The following SORCS3 variants were observed in gnomAD, a reference collection of about 807,000 sequenced individuals.
SORCS3 encodes the protein VPS10 domain-containing receptor SorCS3.
In SORCS3, 57 loss-of-function variants were observed where a neutral mutation model predicts 146.3. The observed-to-expected ratio is 0.39, with a 90% CI of 0.31 to 0.49. SORCS3 has a LOEUF of 0.49. Among genes scored for constraint, SORCS3 ranks in the 20% least tolerant of loss-of-function variants. The pLI is 0.92. For synonymous variants in SORCS3, 653 were observed against 618.5 expected (o/e 1.06, Z -0.83); for missense variants, 1,341 against 1,575.5 (o/e 0.85, Z 2.52).
chr10:104,839,007 A>AT (rs1019037828), intron 1 of SORCS3, among the ~76,000 whole-genome samples: 1 of 152,094 alleles, frequency 6.6e-6, no homozygotes, highest in Non-Finnish European at 1.5e-5. Context: ...CTGGGGCTCC[A>AT]TTTTTTCATC....
intron 1 of SORCS3, among the ~76,000 whole-genome samples, chr10:104,708,394 G>A (rs957906919): frequency 7.2e-5 from 11 of 152,278 alleles, no homozygotes; most frequent in African/African-American, 2.4e-4. Context: ...ACCAGCCTTA[G>A]TCCTGGCCCT....
intron 4 of SORCS3, among the ~76,000 whole-genome samples, chr10:104,988,141 A>G (rs997756975): frequency 2.6e-5 from 4 of 152,174 alleles, no homozygotes; most frequent in African/African-American, 9.6e-5. Flanking sequence ...AACTTGTTCA[A>G]GGTCACACAG....
chr10:105,052,635 G>T (rs1252049792), intron 5 of SORCS3, among the ~76,000 whole-genome samples: 1 of 152,070 alleles, frequency 6.6e-6, no homozygotes, highest in East Asian at 1.9e-4. Flanking sequence ...TTCAGTACTT[G>T]CATGTTACAT....
chr10:104,677,556 C>T (rs1450884946), intron 1 of SORCS3, among the ~76,000 whole-genome samples: 1 of 152,150 alleles, frequency 6.6e-6, no homozygotes, highest in Non-Finnish European at 1.5e-5. Context: ...GAAAACGTTG[C>T]TGAAGAAGAG....
At chr10:104,932,990 A>C (rs1525396) in intron 3 of SORCS3, among the ~76,000 whole-genome samples, 74,791 of 152,056 alleles carry the variant, frequency 0.49, 22,130 homozygotes, top group African/African-American at 0.84. Flanking sequence ...GTTGGCCTCA[A>C]AAAGTGATAG....
chr10:104,781,025 T>C (rs2017368087), intron 1 of SORCS3, among the ~76,000 whole-genome samples: 1 of 152,218 alleles, frequency 6.6e-6, no homozygotes, highest in Non-Finnish European at 1.5e-5. Flanking sequence ...CTGGTGGTAA[T>C]AGATGGAAAG....
chr10:104,726,313 G>A (rs765173690), intron 1 of SORCS3, among the ~76,000 whole-genome samples: 10 of 152,252 alleles, frequency 6.6e-5, no homozygotes, highest in East Asian at 3.9e-4. Context: ...CTGAGTGTTC[G>A]TACTTGGCCT....
At chr10:105,049,027 T>C (rs1281673916) in intron 5 of SORCS3, among the ~76,000 whole-genome samples, 1 of 152,156 alleles carries the variant, frequency 6.6e-6, no homozygotes, top group Non-Finnish European at 1.5e-5. Context: ...GTAATGGTTT[T>C]ATTGACATTT....
chr10:105,136,312 A>C (rs1009267354), intron 7 of SORCS3, among the ~76,000 whole-genome samples: 1 of 152,148 alleles, frequency 6.6e-6, no homozygotes, highest in Non-Finnish European at 1.5e-5. Context: ...GAAAGGGAAA[A>C]AAGAGGGTTA....
Position 104,977,370 on chromosome 10 carries a change from C to T in SORCS3, c.831C>T (p.Ser277=), listed in dbSNP as rs1439305856. The change falls in exon 4 of 27, where the codon AGC becomes AGT. Residue 277 remains serine, a synonymous_variant. Transcript: ENST00000369701. ...MLLSDPEMES[S]ILISSDEGAT... ...TCAGTGATCCTGAGATGGAGAGCAGCATATTGATCAGCTCAGACGAAGGGG... is the reference window on the plus strand; with the variant it reads ...TCAGTGATCCTGAGATGGAGAGCAGTATATTGATCAGCTCAGACGAAGGGG... 2 of 1,613,448 alleles carry T rather than the reference C, an allele frequency of 1.2e-6. No homozygotes were observed. Among genetic ancestry groups the T allele is most frequent in the East Asian group, 2.2e-5 (1 of 44,820 alleles).
At chr10:105,191,671 T>A (rs1441361017) in intron 14 of SORCS3, among the ~76,000 whole-genome samples, 1 of 151,754 alleles carries the variant, frequency 6.6e-6, no homozygotes, top group African/African-American at 2.4e-5. Context: ...AGGTGGGGGG[T>A]GTTGATTTCG....
intron 2 of SORCS3, among the ~76,000 whole-genome samples, chr10:104,894,711 A>T (rs557132862): frequency 6.8e-4 from 103 of 152,284 alleles, no homozygotes; most frequent in Non-Finnish European, 1.3e-3. Flanking sequence ...AGTCATGATG[A>T]TTCGAATGTT....
At chr10:104,836,699 C>A (rs1258834304) in intron 1 of SORCS3, among the ~76,000 whole-genome samples, 1 of 152,138 alleles carries the variant, frequency 6.6e-6, no homozygotes, top group East Asian at 1.9e-4. Flanking sequence ...CTCCTTCTTG[C>A]ACCCTTCCCT....
At chr10:105,250,653 C>G (rs1389630138) in intron 22 of SORCS3, among the ~76,000 whole-genome samples, 1 of 152,142 alleles carries the variant, frequency 6.6e-6, no homozygotes, top group East Asian at 1.9e-4. Flanking sequence ...CTGCATTTTG[C>G]CCCTAGTCTG....
intron 2 of SORCS3, among the ~76,000 whole-genome samples, chr10:104,853,454 A>G (rs988287918): frequency 6.6e-6 from 1 of 152,272 alleles, no homozygotes; most frequent in Non-Finnish European, 1.5e-5. Flanking sequence ...GAATTGCCCA[A>G]CATTTGGAAG....
intron 1 of SORCS3, among the ~76,000 whole-genome samples, chr10:104,801,332 G>A (rs1248363038): frequency 6.6e-6 from 1 of 152,216 alleles, no homozygotes; most frequent in East Asian, 1.9e-4. Context: ...AGGGGAGTGG[G>A]CAGGCTCTGC....
intron 3 of SORCS3, among the ~76,000 whole-genome samples, chr10:104,952,053 G>A (rs554662471): frequency 5.3e-5 from 8 of 151,010 alleles, no homozygotes; most frequent in East Asian, 2.0e-4. Flanking sequence ...TCGTTCCCCC[G>A]ATTCCAAATC....
At chr10:105,236,888 T>C (rs573252564) in intron 20 of SORCS3, among the ~76,000 whole-genome samples, 1 of 152,260 alleles carries the variant, frequency 6.6e-6, no homozygotes, top group South Asian at 2.1e-4. Flanking sequence ...ATTTGAAATC[T>C]ACTGTGTATC....
At chr10:104,739,257 G>A (rs1234186451) in intron 1 of SORCS3, among the ~76,000 whole-genome samples, 5 of 152,284 alleles carry the variant, frequency 3.3e-5, no homozygotes, top group East Asian at 3.9e-4. Context: ...TCCAAATGCC[G>A]GAGACAAGAG....
Sources: allele counts gnomAD v4.1 joint callset (sites outside exome capture counted in the v4.1 genomes callset), GRCh38; gene constraint gnomAD v4.1.1; transcripts MANE v1.5; gene names NCBI Gene and HGNC (gene_info 2026-07-23, HGNC 2026-07-21).